Variants in TENM3 observed in about 807,000 individuals in gnomAD.
The protein encoded by TENM3 is teneurin transmembrane protein 3.
In TENM3, 63 loss-of-function variants were observed where a neutral mutation model predicts 255.1. The observed-to-expected ratio is 0.25, with a 90% CI of 0.20 to 0.30. The LOEUF is 0.30. Ranked by LOEUF, TENM3 falls within the 10% of genes least tolerant of loss-of-function variation. The pLI is 1.00. For synonymous variants in TENM3, 1,306 were observed against 1,322.3 expected (o/e 0.99, Z 0.27); for missense variants, 2,929 against 3,461.1 (o/e 0.85, Z 3.86).
Position 182,792,334 on chromosome 4 carries a change from C to T in TENM3, c.5662C>T (p.Arg1888Cys), listed in dbSNP as rs199527016. The part of the protein sequence containing the change: ...QYIFEYDMWD[R>C]LSAITMPSVA... Reference sequence around the variant, plus strand: ...CATCTTCGAATACGATATGTGGGACCGCCTGTCTGCCATCACCATGCCCAG... The same window carrying T: ...CATCTTCGAATACGATATGTGGGACTGCCTGTCTGCCATCACCATGCCCAG... The change falls in exon 26 of 28, where the codon CGC (arginine) becomes TGC (cysteine). Residue 1888 changes from arginine (R) to cysteine (C), a missense_variant. Transcript: ENST00000511685. This position sits in a 1 kb window ranked among gnomAD's most constrained non-coding sequence, Gnocchi z 6.3. The T allele has an allele frequency of 2.0e-3, 3,173 of 1,613,988 alleles. 12 individuals are homozygous for T. Among genetic ancestry groups the T allele is most frequent in the South Asian group, 2.2e-3 (202 of 91,080 alleles).
chr4:182,615,570 T>G (rs970541347), intron 4 of TENM3, among the ~76,000 whole-genome samples: 1 of 151,946 alleles, frequency 6.6e-6, no homozygotes, highest in Non-Finnish European at 1.5e-5. Context: ...CAAAAGGAAA[T>G]AGATGCTGGT....
intron 3 of TENM3, among the ~76,000 whole-genome samples, chr4:182,378,476 T>G (rs1016968744): frequency 2.6e-5 from 4 of 152,148 alleles, no homozygotes; most frequent in African/African-American, 9.7e-5. Flanking sequence ...GGAAGTCATC[T>G]CTGAAAAAGT....
chr4:181,980,359 A>T, the TENM3 span: 8 of 152,182 alleles, frequency 5.3e-5, no homozygotes, highest in Admixed American at 5.2e-4. Context: ...GTGGTCTGGA[A>T]GGGGAGTCCA....
At chr4:181,753,674 A>G in the TENM3 span, among the ~76,000 whole-genome samples, 2 of 152,318 alleles carry the variant, frequency 1.3e-5, no homozygotes, top group East Asian at 3.9e-4. Context: ...CAGCAAACAG[A>G]CCCTGTTGAA....
At chr4:181,879,890 G>GT in the TENM3 span, among the ~76,000 whole-genome samples, 8 of 151,696 alleles carry the variant, frequency 5.3e-5, no homozygotes, top group South Asian at 2.1e-4. Context: ...GAAAAAAAGT[G>GT]TTTTTTTTAA....
the TENM3 span, among the ~76,000 whole-genome samples, chr4:182,008,635 T>C: frequency 2.6e-5 from 4 of 152,076 alleles, no homozygotes; most frequent in Admixed American, 2.6e-4. Flanking sequence ...TGACCTTTTA[T>C]CAAGGTTCTT....
At chr4:181,784,407 TTAA>T in the TENM3 span, among the ~76,000 whole-genome samples, 1 of 152,092 alleles carries the variant, frequency 6.6e-6, no homozygotes, top group African/African-American at 2.4e-5. Context: ...TAAAACATAC[TTAA>T]TAATAATTTT....
chr4:182,629,964 C>T (rs569427114), intron 5 of TENM3, among the ~76,000 whole-genome samples: 3 of 152,284 alleles, frequency 2.0e-5, no homozygotes, highest in East Asian at 1.9e-4. Context: ...ATGGCAACTA[C>T]GTGACAAGTT....
the TENM3 span, among the ~76,000 whole-genome samples, chr4:181,504,518 T>C: frequency 2.6e-5 from 4 of 152,148 alleles, no homozygotes; most frequent in African/African-American, 9.7e-5. Flanking sequence ...TCCTATTGTC[T>C]CCTCTACTTC....
At chr4:182,551,903 A>G (rs1473935120) in intron 3 of TENM3, among the ~76,000 whole-genome samples, 1 of 151,808 alleles carries the variant, frequency 6.6e-6, no homozygotes, top group Non-Finnish European at 1.5e-5. Context: ...TGTAAGTCCT[A>G]GCTACTCAGG....
intron 12 of TENM3, among the ~76,000 whole-genome samples, chr4:182,695,723 T>G (rs1757352851): frequency 6.6e-6 from 1 of 152,148 alleles, no homozygotes; most frequent in African/African-American, 2.4e-5. Flanking sequence ...AGGTTTGAAA[T>G]GTATGGAAAC....
the TENM3 span, among the ~76,000 whole-genome samples, chr4:182,086,498 A>G: frequency 6.6e-6 from 1 of 152,202 alleles, no homozygotes; most frequent in East Asian, 1.9e-4. Flanking sequence ...AAAATGGGAG[A>G]GGAAGCTACG....
At chr4:182,224,911 A>G (rs1202204965) in intron 1 of TENM3, among the ~76,000 whole-genome samples, 2 of 151,584 alleles carry the variant, frequency 1.3e-5, no homozygotes, top group African/African-American at 2.4e-5. Context: ...TAATTTTTGT[A>G]TTTTTAGTGA....
chr4:182,020,924 T>C, the TENM3 span, among the ~76,000 whole-genome samples: 1 of 152,160 alleles, frequency 6.6e-6, no homozygotes, highest in Non-Finnish European at 1.5e-5. Flanking sequence ...TTATTATTGC[T>C]ATTTCTCCCT....
the TENM3 span, among the ~76,000 whole-genome samples, chr4:181,697,416 G>C: frequency 6.6e-6 from 1 of 151,462 alleles, no homozygotes; most frequent in African/African-American, 2.4e-5. Flanking sequence ...TGTTTTGTTT[G>C]ACAGTCTTGC....
the TENM3 span, among the ~76,000 whole-genome samples, chr4:181,667,359 A>C: frequency 6.6e-6 from 1 of 152,176 alleles, no homozygotes; most frequent in Admixed American, 6.6e-5. Context: ...TCTGTTCAAG[A>C]ACCTACCACT....
chr4:182,561,807 A>G (rs553956460), intron 3 of TENM3, among the ~76,000 whole-genome samples: 2 of 152,250 alleles, frequency 1.3e-5, no homozygotes, highest in South Asian at 4.1e-4. Context: ...AATACTATTC[A>G]GTTGTTATAA....
the TENM3 span, among the ~76,000 whole-genome samples, chr4:182,138,213 T>C: frequency 1.3e-5 from 2 of 152,204 alleles, no homozygotes; most frequent in Non-Finnish European, 2.9e-5. Flanking sequence ...ATTTAAACAG[T>C]GCAAAGTACA....
chr4:182,523,273 G>GAC (rs1738775337), intron 3 of TENM3, among the ~76,000 whole-genome samples: 1 of 152,028 alleles, frequency 6.6e-6, no homozygotes, highest in Admixed American at 6.6e-5. Flanking sequence ...TTCCAGTCCA[G>GAC]ACACAGTTCA....
Sources: allele counts gnomAD v4.1 joint callset (sites outside exome capture counted in the v4.1 genomes callset), GRCh38; gene constraint gnomAD v4.1.1; non-coding constraint Gnocchi (gnomAD v3.1); transcripts MANE v1.5; gene names NCBI Gene and HGNC (gene_info 2026-07-23, HGNC 2026-07-21).